Variants in SLC24A2 observed in about 807,000 individuals in gnomAD.
SLC24A2 encodes solute carrier family 24 member 2, also known as sodium/potassium/calcium exchanger 2.
SLC24A2 carries 36 observed loss-of-function variants against 62.0 expected under a neutral mutation model. The observed-to-expected ratio is 0.58, with a 90% CI of 0.44 to 0.77. The LOEUF is 0.77. SLC24A2 is among the 30% of genes least tolerant of loss of function. The pLI, the probability that SLC24A2 is intolerant of heterozygous loss-of-function variation, is 0.00. For synonymous variants in SLC24A2, 358 were observed against 294.0 expected (o/e 1.22, Z -2.23); for missense variants, 846 against 817.9 (o/e 1.03, Z -0.42).
At chr9:19,525,419 TA>T (rs1554668374) in intron 9 of SLC24A2, among the ~76,000 whole-genome samples, 5 of 98,468 alleles carry the variant, frequency 5.1e-5, no homozygotes, top group African/African-American at 1.5e-4. Context: ...TTTTTTTTTT[TA>T]AAAGACAGGG....
chr9:20,071,186 G>T, the SLC24A2 span, among the ~76,000 whole-genome samples: 1 of 152,116 alleles, frequency 6.6e-6, no homozygotes, highest in African/African-American at 2.4e-5. Context: ...AGAACTGTGG[G>T]CCAGTTAAGC....
the SLC24A2 span, among the ~76,000 whole-genome samples, chr9:19,817,364 C>G: frequency 2.6e-5 from 4 of 151,786 alleles, no homozygotes; most frequent in African/African-American, 7.3e-5. Flanking sequence ...AACATCAGAA[C>G]AGAAAAAGAA....
At chr9:19,622,763 A>C (rs990470735) in intron 2 of SLC24A2, among the ~76,000 whole-genome samples, 1 of 152,198 alleles carries the variant, frequency 6.6e-6, no homozygotes, top group Non-Finnish European at 1.5e-5. Context: ...GAATGATACC[A>C]AACTGTTATT....
At chr9:19,618,898 T>C (rs1817836864) in intron 4 of SLC24A2, among the ~76,000 whole-genome samples, 1 of 152,228 alleles carries the variant, frequency 6.6e-6, no homozygotes, top group South Asian at 2.1e-4. Context: ...TTGGGGAATA[T>C]TTATGCAGCT....
At chr9:19,577,981 T>C (rs926764369) in intron 5 of SLC24A2, among the ~76,000 whole-genome samples, 33 of 151,634 alleles carry the variant, frequency 2.2e-4, no homozygotes, top group Admixed American at 5.9e-4. Context: ...GTGATGTAAC[T>C]CAGGAATGGA....
chr9:19,693,958 T>C (rs1048081653), intron 2 of SLC24A2, among the ~76,000 whole-genome samples: 3 of 152,210 alleles, frequency 2.0e-5, no homozygotes, highest in Middle Eastern at 3.4e-3. Flanking sequence ...AAATGGTCAA[T>C]AGAAACTTTC....
At chr9:20,253,363 TTA>T in the SLC24A2 span, among the ~76,000 whole-genome samples, 1 of 152,234 alleles carries the variant, frequency 6.6e-6, no homozygotes, top group African/African-American at 2.4e-5. Flanking sequence ...AGATGTGTAG[TTA>T]TTTTATTAAA....
At chr9:19,545,270 G>A (rs889972105) in intron 8 of SLC24A2, among the ~76,000 whole-genome samples, 1 of 151,786 alleles carries the variant, frequency 6.6e-6, no homozygotes, top group African/African-American at 2.4e-5. Context: ...GTGTTTTTCA[G>A]CTCCATCAGG....
chr9:19,877,257 A>T, the SLC24A2 span, among the ~76,000 whole-genome samples: 2 of 150,272 alleles, frequency 1.3e-5, no homozygotes, highest in African/African-American at 4.9e-5. Flanking sequence ...GGAGACTGCC[A>T]TTAGACTGAG....
the SLC24A2 span, among the ~76,000 whole-genome samples, chr9:19,998,583 T>A: frequency 3.9e-5 from 6 of 152,216 alleles, no homozygotes; most frequent in Non-Finnish European, 4.4e-5. Context: ...GGATTAGAAT[T>A]TTTAAGCAGG....
At chr9:19,768,447 C>G (rs1232174978) in intron 2 of SLC24A2, among the ~76,000 whole-genome samples, 1 of 152,090 alleles carries the variant, frequency 6.6e-6, no homozygotes, top group Admixed American at 6.6e-5. Context: ...GTAGCCTCCC[C>G]TTATCAGAGG....
Position 19,508,165 on chromosome 9 carries a change from G to C in SLC24A2, c.*7988C>G, listed in dbSNP as rs779568334. 1 of 152,166 alleles carries C rather than the reference G, an allele frequency of 6.6e-6. No individual in the cohort carries two copies. Among genetic ancestry groups the C allele is most frequent in the Non-Finnish European group, 1.5e-5 (1 of 68,028 alleles). The allele number at this position is 152,166 out of a possible 1,614,324, so 9.4% of individuals were successfully genotyped here. A position where few individuals can be genotyped will look rare whatever the true frequency, so the allele number is the denominator to read the frequency against. ...TGTTGCTTCCGGAGTTTTTTGACTTGAGCAGAAGAAATATCAAGGCTAGAT... is the reference window on the plus strand; with the variant it reads ...TGTTGCTTCCGGAGTTTTTTGACTTCAGCAGAAGAAATATCAAGGCTAGAT... On this transcript the variant is annotated 3_prime_UTR_variant, in exon 11 of 11. Coordinates refer to ENST00000341998, the MANE Select transcript of SLC24A2 (RefSeq NM_020344.4).
At chr9:20,160,364 C>A in the SLC24A2 span, among the ~76,000 whole-genome samples, 1 of 151,310 alleles carries the variant, frequency 6.6e-6, no homozygotes, top group East Asian at 1.9e-4. Flanking sequence ...ACATACTACT[C>A]TCATACTGAC....
the SLC24A2 span, among the ~76,000 whole-genome samples, chr9:20,036,675 T>C: frequency 3.3e-5 from 5 of 152,182 alleles, no homozygotes; most frequent in Non-Finnish European, 7.4e-5. Context: ...TTCTTCCTTT[T>C]TAAAGGCTGA....
At chr9:19,862,400 G>C in the SLC24A2 span, among the ~76,000 whole-genome samples, 1 of 152,030 alleles carries the variant, frequency 6.6e-6, no homozygotes, top group Non-Finnish European at 1.5e-5. Flanking sequence ...CAAAAGCTGA[G>C]GGATTTCATC....
chr9:19,520,250 G>T (rs996442550), intron 10 of SLC24A2, among the ~76,000 whole-genome samples: 1 of 152,194 alleles, frequency 6.6e-6, no homozygotes, highest in Non-Finnish European at 1.5e-5. Context: ...TTATTTGTCA[G>T]ACTATTTTTA....
At chr9:19,580,791 C>T (rs1015425028) in intron 5 of SLC24A2, among the ~76,000 whole-genome samples, 1 of 152,134 alleles carries the variant, frequency 6.6e-6, no homozygotes, top group Non-Finnish European at 1.5e-5. Context: ...TTAGTTTTCC[C>T]ATCTGTTAAG....
At chr9:20,016,103 C>T in the SLC24A2 span, among the ~76,000 whole-genome samples, 1 of 152,162 alleles carries the variant, frequency 6.6e-6, no homozygotes, top group African/African-American at 2.4e-5. Context: ...GCTTTTTGAA[C>T]TATAAGAGGA....
the SLC24A2 span, among the ~76,000 whole-genome samples, chr9:19,996,745 CAAAAAAAAA>C: frequency 1.5e-5 from 1 of 66,680 alleles, no homozygotes; most frequent in South Asian, 4.8e-4. Flanking sequence ...GACTCCGTCT[CAAAAAAAAA>C]AAAAAAAAAA....
Sources: allele counts gnomAD v4.1 joint callset (sites outside exome capture counted in the v4.1 genomes callset), GRCh38; gene constraint gnomAD v4.1.1; transcripts MANE v1.5; gene names NCBI Gene and HGNC (gene_info 2026-07-23, HGNC 2026-07-21).